ABCB9: variants seen among roughly 807,000 people sequenced by gnomAD.
ABCB9 encodes the protein ABC-type oligopeptide transporter ABCB9.
In ABCB9, 36 loss-of-function variants were observed where a neutral mutation model predicts 62.0. That is an observed-to-expected ratio of 0.58 (90% CI 0.45 to 0.77). The LOEUF is 0.77. Among genes scored for constraint, ABCB9 ranks in the 30% least tolerant of loss-of-function variants. The pLI is 0.00. For synonymous variants in ABCB9, 435 were observed against 461.4 expected (o/e 0.94, Z 0.73); for missense variants, 943 against 1,054.7 (o/e 0.89, Z 1.47).
At chr12:122,952,630 G>T (rs1222811754) in intron 2 of ABCB9, 1 of 152,222 alleles carries the variant, frequency 6.6e-6, no homozygotes, top group East Asian at 1.9e-4. Flanking sequence ...AAAGAAGAGG[G>T]CAACGATGAG....
In ABCB9 at chr12:122,929,446, T is replaced by A; in HGVS notation, c.*465A>T. On this transcript the variant is annotated 3_prime_UTR_variant, in exon 12 of 12. Coordinates refer to ENST00000280560, the MANE Select transcript of ABCB9 (RefSeq NM_019625.4). This position sits in a 1 kb window ranked among gnomAD's most constrained non-coding sequence, Gnocchi z 6.0. ...CCCTCCGGGACAGGGAAGCCCCTTC[T>A]CTGGAGGGGTAAAGGGGAGAGGCCT... 1 of 988,220 alleles carries A rather than the reference T, an allele frequency of 1.0e-6. No individual in the cohort carries two copies. Among genetic ancestry groups the A allele is most frequent in the Non-Finnish European group, 1.2e-6 (1 of 831,680 alleles). The allele number at this position is 988,220 out of a possible 1,614,324, so 61.2% of individuals were successfully genotyped here.
chr12:122,930,317 G>C lies in ABCB9; in HGVS notation c.2041-146C>G, dbSNP rs1289610805. 2 of 831,540 alleles carry C rather than the reference G, an allele frequency of 2.4e-6. No individual in the cohort carries two copies. Among genetic ancestry groups the C allele is most frequent in the African/African-American group, 1.7e-5 (1 of 58,512 alleles). 51.5% of individuals were successfully genotyped at this position (831,540 alleles called of 1,614,324 possible). On this transcript the variant is annotated intron_variant, in intron 11 of 11. Coordinates refer to ENST00000280560, the MANE Select transcript of ABCB9 (RefSeq NM_019625.4). The surrounding 1 kb of genome is among the most constrained non-coding windows in gnomAD (Gnocchi z 4.9). ...CAGCTTCCTGGGTTTTTCTTAAAGGGAGACAGCTCAGGGCCAGACACAATG... is the reference window on the plus strand; with the variant it reads ...CAGCTTCCTGGGTTTTTCTTAAAGGCAGACAGCTCAGGGCCAGACACAATG...
In ABCB9 at chr12:122,930,327, A is replaced by G. The variant is rs558299541; in HGVS notation, c.2041-156T>C. 3.5e-4 allele frequency: 256 copies of G among 733,596 alleles called. No homozygotes were observed. The highest frequency in any genetic ancestry group is 4.8e-4 in the Non-Finnish European group (224 of 464,386). The allele number at this position is 733,596 out of a possible 1,614,324, so 45.4% of individuals were successfully genotyped here. A position where few individuals can be genotyped will look rare whatever the true frequency, so the allele number is the denominator to read the frequency against. On this transcript the variant is annotated intron_variant, in intron 11 of 11. Coordinates refer to ENST00000280560, the MANE Select transcript of ABCB9 (RefSeq NM_019625.4). The surrounding 1 kb of genome is among the most constrained non-coding windows in gnomAD (Gnocchi z 4.9). ...GGTTTTTCTTAAAGGGAGACAGCTC[A>G]GGGCCAGACACAATGAGGCACCTGG...
chr12:122,972,432 C>T (rs1040901266), intron 1 of ABCB9, among the ~76,000 whole-genome samples: 1 of 152,142 alleles, frequency 6.6e-6, no homozygotes, highest in Non-Finnish European at 1.5e-5. Context: ...ATAACAGGGG[C>T]GCTTCTACGG....
chr12:122,919,598 G>A (rs1332689971), downstream of ABCB9, among the ~76,000 whole-genome samples: 2 of 152,112 alleles, frequency 1.3e-5, no homozygotes, highest in African/African-American at 4.8e-5. Context: ...GACCACCCCA[G>A]CTCAAACAGT....
chr12:122,950,269 G>A lies in ABCB9; in HGVS notation c.716+182C>T, dbSNP rs79208568. On this transcript the variant is annotated intron_variant, in intron 3 of 11. Coordinates refer to ENST00000280560, the MANE Select transcript of ABCB9 (RefSeq NM_019625.4). ...CCCTTTTCAGGGACCAGAGGGTGTG[G>A]TTCTAGGGTGCTCTAAGACAGTGTG... Among the ~76,000 whole-genome samples the A allele has an allele frequency of 5.7e-4, 87 of 152,322 alleles. 1 individual carries two copies. In the East Asian group the frequency reaches 8.7e-3, roughly 15 times the overall value.
Position 122,929,134 on chromosome 12 carries a change from CCA to C in ABCB9, c.*775_*776del, listed in dbSNP as rs928126399. 7.1e-6 allele frequency: 7 copies of C among 985,840 alleles called. No individual in the cohort carries two copies. The African/African-American group carries it at 1.2e-4, about 17-fold the overall frequency. The allele number at this position is 985,840 out of a possible 1,614,324, so 61.1% of individuals were successfully genotyped here. A position where few individuals can be genotyped will look rare whatever the true frequency, so the allele number is the denominator to read the frequency against. On this transcript the variant is annotated 3_prime_UTR_variant, in exon 12 of 12. Transcript: ENST00000280560. The surrounding 1 kb of genome is among the most constrained non-coding windows in gnomAD (Gnocchi z 6.0). ...CATCTCATGAACATCCACGTGGCCT[CCA>C]GACAGCAGAGCACAGGGGCGGGTGT...
upstream of ABCB9, among the ~76,000 whole-genome samples, chr12:122,968,097 G>T (rs906085033): frequency 1.3e-5 from 2 of 152,102 alleles, no homozygotes; most frequent in Non-Finnish European, 2.9e-5. Context: ...AAGACATAGA[G>T]TTATATAAAG....
chr12:122,950,739 C>T (rs368909603), intron 2 of ABCB9, 174 bp from the exon 3 acceptor site: 3 of 576,538 alleles, frequency 5.2e-6, no homozygotes, highest in Admixed American at 2.9e-5. Context: ...TAATGCCCCC[C>T]TCCTCAGAGA....
chr12:122,935,170 A>C (rs972691111), intron 10 of ABCB9, 102 bp downstream of exon 10: 3 of 1,325,718 alleles, frequency 2.3e-6, no homozygotes, highest in Non-Finnish European at 2.0e-6. Flanking sequence ...CCATCTCTAC[A>C]AAAAAAAGAG....
chr12:122,964,113 G>A lies in ABCB9; in HGVS notation c.-88+2174C>T, dbSNP rs888220525. On this transcript the variant is annotated intron_variant, in intron 1 of 11. Transcript: ENST00000280560. The surrounding 1 kb of genome is among the most constrained non-coding windows in gnomAD (Gnocchi z 4.7). ...CGCCTCAGCTGCTGCTCTCCTCGTG[G>A]TGGGCACATGGGGTCCCTCAGTCCC... Among the ~76,000 whole-genome samples, 1 of 152,198 alleles carries A rather than the reference G, an allele frequency of 6.6e-6. No homozygotes were observed. The highest frequency in any genetic ancestry group is 1.5e-5 in the Non-Finnish European group (1 of 68,032).
At chr12:122,945,420 C>T (rs2035980865) in intron 6 of ABCB9, among the ~76,000 whole-genome samples, 1 of 152,118 alleles carries the variant, frequency 6.6e-6, no homozygotes, top group African/African-American at 2.4e-5. Context: ...GTGTGCCAGA[C>T]ACTGTCGGGA....
chr12:122,921,035 C>T, exon 12 of ABCB9: 1 of 1,535,338 alleles, frequency 6.5e-7, no homozygotes, highest in South Asian at 1.2e-5. Flanking sequence ...GCAGGCTGGT[C>T]ATTCAGATCT....
At position 122,949,902 on chromosome 12, in the gene ABCB9, T is replaced by C. The variant is rs114703181; in HGVS notation, c.733A>G (p.Ile245Val). The change falls in exon 4 of 12, where the codon ATT becomes GTT. Residue 245 changes from isoleucine to valine, a missense_variant. Physicochemically the swap from Ile to Val is conservative, Grantham distance 29. Transcript: ENST00000280560. ...ATGAGGGTAAAAATGCCGCCCCGAA[T>C]ACCTGCGGCAAATGAGCTAATTGCA... ...LAIGSSFAAG[I>V]RGGIFTLIFA... is the part of the protein sequence containing the mutation. The C allele has an allele frequency of 7.5e-5, 121 of 1,613,996 alleles. 1 individual carries two copies. The East Asian group carries it at 1.3e-3, about 17-fold the overall frequency.
intron 9 of ABCB9, among the ~76,000 whole-genome samples, chr12:122,936,185 T>TA (rs1256317873): frequency 6.6e-6 from 1 of 152,210 alleles, no homozygotes; most frequent in Non-Finnish European, 1.5e-5. Flanking sequence ...AGTGCATCCT[T>TA]AAAACTGAAT....
chr12:122,928,441 T>C (rs2034968798), downstream of ABCB9, among the ~76,000 whole-genome samples: 1 of 149,584 alleles, frequency 6.7e-6, no homozygotes, highest in African/African-American at 2.5e-5. Context: ...TGCACTCCAA[T>C]CTGGGTGACA....
intron 10 of ABCB9, among the ~76,000 whole-genome samples, chr12:122,934,876 A>G (rs1377231806): frequency 6.7e-6 from 1 of 150,110 alleles, no homozygotes; most frequent in Non-Finnish European, 1.5e-5. Flanking sequence ...CTTCTCACTC[A>G]GCATCCTATC....
rs2036091999 is a variant in ABCB9 at position 122,947,271 on chromosome 12, A to G, written c.1054-1049T>C. Among the ~76,000 whole-genome samples, 1 of 152,164 alleles carries G rather than the reference A, an allele frequency of 6.6e-6. No homozygotes were observed. The highest frequency in any genetic ancestry group is 1.5e-5 in the Non-Finnish European group (1 of 68,016). ...GCGTGCCAGAAATGGCTCAGACTCTAAAGAATAGATTTACTTTCTCATCTC... is the reference window on the plus strand; with the variant it reads ...GCGTGCCAGAAATGGCTCAGACTCTGAAGAATAGATTTACTTTCTCATCTC... On this transcript the variant is annotated intron_variant, in intron 5 of 11. Transcript: ENST00000280560. This position sits in a 1 kb window ranked among gnomAD's most constrained non-coding sequence, Gnocchi z 6.0.
intron 11 of ABCB9, among the ~76,000 whole-genome samples, chr12:122,922,541 G>C (rs1387344091): frequency 6.6e-6 from 1 of 151,998 alleles, no homozygotes; most frequent in Non-Finnish European, 1.5e-5. Context: ...CACCACGCCC[G>C]GCTAATTTTT....
Sources: allele counts gnomAD v4.1 joint callset (sites outside exome capture counted in the v4.1 genomes callset), GRCh38; gene constraint gnomAD v4.1.1; non-coding constraint Gnocchi (gnomAD v3.1); transcripts MANE v1.5; gene names NCBI Gene and HGNC (gene_info 2026-07-23, HGNC 2026-07-21).